GREB1L: variants seen among roughly 807,000 people sequenced by gnomAD.
GREB1L encodes the protein GREB1 like retinoic acid receptor coactivator, also known as GREB1-like protein.
Under a neutral mutation model 200.8 loss-of-function variants are expected in GREB1L, and 17 were observed. The observed-to-expected ratio is 0.08, with a 90% CI of 0.06 to 0.13. GREB1L has a LOEUF of 0.13. Ranked by LOEUF, GREB1L falls within the 10% of genes least tolerant of loss-of-function variation. GREB1L has a pLI of 1.00. For synonymous variants in GREB1L, 789 were observed against 893.0 expected, an observed-to-expected ratio of 0.88 and a Z score of 2.08; for missense variants, 1,657 against 2,367.7, an observed-to-expected ratio of 0.70 and a Z score of 6.23.
chr18:21,508,056 C>T, intron 25 of GREB1L, 62 bp from the exon 26 acceptor site: 1 of 1,464,854 alleles, frequency 6.8e-7, no homozygotes, highest in African/African-American at 1.4e-5. Flanking sequence ...GAAGGAGTGG[C>T]CTGGAAGTTT....
At chr18:21,455,144 G>A (rs1023811706) in intron 15 of GREB1L, 3 of 152,660 alleles carry the variant, frequency 2.0e-5, no homozygotes, top group African/African-American at 7.3e-5. Flanking sequence ...AAAAAAAAAT[G>A]TTACAAGTCT....
chr18:21,277,923 G>T (rs2038195940), intron 1 of GREB1L, among the ~76,000 whole-genome samples: 1 of 152,210 alleles, frequency 6.6e-6, no homozygotes, highest in Non-Finnish European at 1.5e-5. Flanking sequence ...AAGTAAGGAA[G>T]AAGAGTGAAA....
chr18:21,351,044 G>A (rs1021375942), intron 1 of GREB1L, among the ~76,000 whole-genome samples: 3 of 151,968 alleles, frequency 2.0e-5, no homozygotes, highest in African/African-American at 7.3e-5. Context: ...TGGGTAAGAT[G>A]GAAATATATA....
intron 11 of GREB1L, among the ~76,000 whole-genome samples, chr18:21,446,330 C>A (rs2145348406): frequency 6.6e-6 from 1 of 152,158 alleles, no homozygotes; most frequent in South Asian, 2.1e-4. Flanking sequence ...GCCTCCTTTT[C>A]AATCTTAATA....
intron 1 of GREB1L, among the ~76,000 whole-genome samples, chr18:21,313,181 AAT>A (rs1180737550): frequency 6.6e-6 from 1 of 151,436 alleles, no homozygotes; most frequent in Non-Finnish European, 1.5e-5. Flanking sequence ...AAAAATATTA[AAT>A]ATTTTTATTT....
intron 1 of GREB1L, among the ~76,000 whole-genome samples, chr18:21,273,431 G>T (rs1341564465): frequency 6.6e-6 from 1 of 151,976 alleles, no homozygotes; most frequent in Non-Finnish European, 1.5e-5. Context: ...CATCTGTGAA[G>T]AATAAATGAG....
At chr18:21,308,540 T>C (rs1431879733) in intron 1 of GREB1L, among the ~76,000 whole-genome samples, 2 of 152,206 alleles carry the variant, frequency 1.3e-5, no homozygotes, top group South Asian at 2.1e-4. Flanking sequence ...AGGGAGCTGA[T>C]TGGGAGAACG....
intron 10 of GREB1L, 86 bp downstream of exon 10, chr18:21,441,623 G>A: frequency 8.2e-7 from 1 of 1,220,728 alleles, no homozygotes; most frequent in Non-Finnish European, 1.1e-6. Context: ...ATGTATTCAT[G>A]AAGATATTCA....
intron 15 of GREB1L, among the ~76,000 whole-genome samples, chr18:21,460,439 G>A (rs548884320): frequency 2.0e-5 from 3 of 152,052 alleles, no homozygotes; most frequent in East Asian, 3.9e-4. Context: ...TCCGCCTCCC[G>A]GGTTCAAGCG....
intron 1 of GREB1L, among the ~76,000 whole-genome samples, chr18:21,283,239 T>C (rs909933899): frequency 1.3e-5 from 2 of 152,242 alleles, no homozygotes; most frequent in Non-Finnish European, 2.9e-5. Context: ...TAAATTGTTC[T>C]ACATTATGGG....
chr18:21,257,709 G>A (rs1330263838), intron 1 of GREB1L, among the ~76,000 whole-genome samples: 1 of 152,176 alleles, frequency 6.6e-6, no homozygotes, highest in Non-Finnish European at 1.5e-5. Flanking sequence ...CAGAGTATGT[G>A]TGTATGCACA....
intron 1 of GREB1L, among the ~76,000 whole-genome samples, chr18:21,333,851 A>G (rs1233600951): frequency 2.0e-5 from 3 of 151,904 alleles, no homozygotes; most frequent in Non-Finnish European, 4.4e-5. Flanking sequence ...AAGTAATGGC[A>G]TGTACCTGTA....
intron 2 of GREB1L, among the ~76,000 whole-genome samples, chr18:21,377,830 A>G (rs2040136872): frequency 6.6e-6 from 1 of 152,084 alleles, no homozygotes. Context: ...GAGTCACTTG[A>G]ACCCAGGAGC....
chr18:21,314,621 A>AT (rs1392546903), intron 1 of GREB1L, among the ~76,000 whole-genome samples: 2 of 152,164 alleles, frequency 1.3e-5, no homozygotes, highest in Non-Finnish European at 2.9e-5. Flanking sequence ...CATGGTTTGT[A>AT]TTTTGTGACA....
At chr18:21,454,919 G>A (rs2034685925) in intron 15 of GREB1L, 2 of 330,840 alleles carry the variant, frequency 6.0e-6, no homozygotes, top group South Asian at 5.4e-5. Flanking sequence ...CCTCCCACCT[G>A]CAGGCCTCAT....
intron 7 of GREB1L, among the ~76,000 whole-genome samples, chr18:21,424,950 T>G (rs1470476033): frequency 6.6e-6 from 1 of 152,232 alleles, no homozygotes; most frequent in Non-Finnish European, 1.5e-5. Context: ...GCATAATGTT[T>G]TCAAGGTTCA....
At chr18:21,487,253 A>G (rs2036162966) in intron 18 of GREB1L, among the ~76,000 whole-genome samples, 1 of 152,158 alleles carries the variant, frequency 6.6e-6, no homozygotes, top group Admixed American at 6.5e-5. Context: ...TCAACTTTCT[A>G]TTGTAGTTTT....
Position 21,383,600 on chromosome 18 carries a change from T to G in GREB1L, c.82T>G (p.Cys28Gly). The change falls in exon 3 of 33, where the codon TGT becomes GGT. Residue 28 changes from cysteine to glycine, a missense_variant. Coordinates refer to ENST00000424526, the MANE Select transcript of GREB1L (RefSeq NM_001142966.3). Reference sequence around the variant, plus strand: ...CAACTCCATAGAAGCCTCCCTCAGATGTAGTAGTGTGGTACCACGGCCAAT... The same window carrying G: ...CAACTCCATAGAAGCCTCCCTCAGAGGTAGTAGTGTGGTACCACGGCCAAT... ...LHNSIEASLRCSSVVPRPIFS... is the reference protein window; with the variant it reads ...LHNSIEASLRGSSVVPRPIFS... 1 of 1,551,292 alleles carries G rather than the reference T, an allele frequency of 6.4e-7. No individual in the cohort carries two copies. Among genetic ancestry groups the G allele is most frequent in the Non-Finnish European group, 8.7e-7 (1 of 1,146,780 alleles).
At chr18:21,289,136 C>T (rs990955632) in intron 1 of GREB1L, among the ~76,000 whole-genome samples, 4 of 152,132 alleles carry the variant, frequency 2.6e-5, no homozygotes, top group African/African-American at 9.7e-5. Context: ...GCTGAGCTAC[C>T]CTTCTGTACA....
Sources: gnomAD v4.1 joint callset for allele counts (sites outside exome capture counted in the v4.1 genomes callset) on GRCh38, gnomAD v4.1.1 for gene constraint, MANE v1.5 for transcripts, NCBI Gene and HGNC (gene_info 2026-07-23, HGNC 2026-07-21) for gene names.